Variants in AP2B1 observed in about 807,000 individuals in gnomAD.
The protein encoded by AP2B1 is adaptor related protein complex 2 subunit beta 1.
AP2B1 carries 23 observed loss-of-function variants against 102.0 expected under a neutral mutation model. The ratio of observed to expected loss-of-function variants is 0.23; its 90% confidence interval spans 0.16 to 0.32. The LOEUF (loss-of-function observed/expected upper bound fraction) is 0.32. AP2B1 is among the 10% of genes least tolerant of loss of function. AP2B1 has a pLI of 1.00. For missense variants in AP2B1, 541 were observed against 1,157.4 expected (o/e 0.47, Z 7.73); for synonymous variants, 381 against 421.2 (o/e 0.90, Z 1.17).
Position 35,636,470 on chromosome 17 carries a change from C to G in AP2B1, c.1271+14C>G, listed in dbSNP as rs1487966681. ...ATACCCCAACAAGTATGTCCAAATA[C>G]CTTTACCCCTCTTTCTCAAATTACT... On this transcript the variant is annotated intron_variant, in intron 10 of 21. Coordinates refer to ENST00000610402, the MANE Select transcript of AP2B1 (RefSeq NM_001030006.2). 1 of 1,577,758 alleles carries G rather than the reference C, an allele frequency of 6.3e-7. No individual in the cohort carries two copies. The highest frequency in any genetic ancestry group is 8.7e-7 in the Non-Finnish European group (1 of 1,147,434).
intron 20 of AP2B1, among the ~76,000 whole-genome samples, chr17:35,713,376 C>G (rs1287454023): frequency 1.3e-5 from 2 of 152,228 alleles, no homozygotes; most frequent in African/African-American, 4.8e-5. Flanking sequence ...CACTGCTAGT[C>G]TTGCAAGACC....
chr17:35,711,806 A>G (rs1489880438), intron 20 of AP2B1, among the ~76,000 whole-genome samples: 1 of 152,160 alleles, frequency 6.6e-6, no homozygotes, highest in Admixed American at 6.5e-5. Context: ...GGCTCTATGT[A>G]ATATTCATCT....
chr17:35,681,430 C>T (rs2075820632), intron 17 of AP2B1, among the ~76,000 whole-genome samples: 1 of 152,134 alleles, frequency 6.6e-6, no homozygotes, highest in Non-Finnish European at 1.5e-5. Flanking sequence ...GACAGGGTGT[C>T]GCTCTGTCAT....
intron 16 of AP2B1, among the ~76,000 whole-genome samples, chr17:35,673,724 GA>G (rs879770996): frequency 4.5e-4 from 68 of 151,958 alleles, no homozygotes; most frequent in Non-Finnish European, 7.9e-4. Flanking sequence ...TGGAAATGAT[GA>G]AAAAAAATCT....
intron 14 of AP2B1, among the ~76,000 whole-genome samples, chr17:35,664,512 C>T (rs1000157716): frequency 6.6e-6 from 1 of 152,116 alleles, no homozygotes; most frequent in Non-Finnish European, 1.5e-5. Flanking sequence ...TTTTGTCAGG[C>T]TTTTGTCCTT....
chr17:35,626,471 C>T (rs1473079022), intron 6 of AP2B1, 150 bp from the exon 7 acceptor site: 1 of 681,888 alleles, frequency 1.5e-6, no homozygotes, highest in Non-Finnish European at 2.5e-6. Flanking sequence ...TGTTGGATCC[C>T]AATTTTACCT....
intron 1 of AP2B1, among the ~76,000 whole-genome samples, chr17:35,588,134 C>T (rs527719505): frequency 2.1e-5 from 3 of 140,408 alleles, no homozygotes; most frequent in African/African-American, 8.0e-5. Flanking sequence ...GTAGATTAAG[C>T]TGAAAGTAAA....
chr17:35,631,339 A>G (rs2074455495), intron 9 of AP2B1, among the ~76,000 whole-genome samples: 1 of 152,150 alleles, frequency 6.6e-6, no homozygotes, highest in African/African-American at 2.4e-5. Context: ...CTATTAGGAA[A>G]ACCATATTTG....
chr17:35,660,454 C>A (rs1029609547), intron 14 of AP2B1, among the ~76,000 whole-genome samples: 9 of 151,338 alleles, frequency 5.9e-5, no homozygotes, highest in Admixed American at 1.3e-4. Flanking sequence ...TACCTAGATG[C>A]TCAGATACCT....
rs1383929367 is a variant in AP2B1 at position 35,699,988 on chromosome 17, C to T, written c.2455-9236C>T. On this transcript the variant is annotated intron_variant, in intron 18 of 21. Coordinates refer to ENST00000610402, the MANE Select transcript of AP2B1 (RefSeq NM_001030006.2). Reference sequence around the variant, plus strand: ...GCACATGCGTGTAGTTTCAGCTACTCACGAGGCTGAGATGGGAGGATCACT... The same window carrying T: ...GCACATGCGTGTAGTTTCAGCTACTTACGAGGCTGAGATGGGAGGATCACT... Among the ~76,000 whole-genome samples, 3 of 151,970 alleles carry T rather than the reference C, an allele frequency of 2.0e-5. No homozygotes were observed. The East Asian group carries it at 5.8e-4, about 29-fold the overall frequency.
chr17:35,720,543 ATT>A (rs1305515475), intron 21 of AP2B1, among the ~76,000 whole-genome samples: 655 of 57,146 alleles, frequency 0.011, 14 homozygotes, highest in African/African-American at 0.031. Flanking sequence ...TTTTTATTTT[ATT>A]TATATATATA....
Position 35,682,682 on chromosome 17 carries a change from T to C in AP2B1, c.2325-13T>C, listed in dbSNP as rs117164887. On this transcript the variant is annotated splice_polypyrimidine_tract_variant and intron_variant, in intron 17 of 21. Coordinates refer to ENST00000610402, the MANE Select transcript of AP2B1 (RefSeq NM_001030006.2). ...TTGATTAACCTCTGTGATTTATGTA[T>C]CCTCTCTTCTAGCTTTGGTGTCATC... 0.019 allele frequency: 30,036 copies of C among 1,604,076 alleles called. 353 individuals are homozygous for C. The highest frequency in any genetic ancestry group is 0.022 in the Non-Finnish European group (26,147 of 1,173,576).
At chr17:35,672,257 C>G (rs1206068270) in intron 16 of AP2B1, among the ~76,000 whole-genome samples, 1 of 152,144 alleles carries the variant, frequency 6.6e-6, no homozygotes, top group Non-Finnish European at 1.5e-5. Flanking sequence ...TCTCTTATTC[C>G]TCTTTCCCCA....
chr17:35,630,253 A>T (rs1051796169), intron 9 of AP2B1, among the ~76,000 whole-genome samples: 1 of 152,172 alleles, frequency 6.6e-6, no homozygotes, highest in African/African-American at 2.4e-5. Context: ...CCTGGGTTCT[A>T]TTCCTGGTTC....
chr17:35,638,853 A>G (rs527443302), intron 10 of AP2B1, among the ~76,000 whole-genome samples: 1 of 152,068 alleles, frequency 6.6e-6, no homozygotes, highest in Non-Finnish European at 1.5e-5. Flanking sequence ...ATTAAGGGAC[A>G]GATTTACCAT....
intron 14 of AP2B1, among the ~76,000 whole-genome samples, chr17:35,659,000 C>T (rs1254908537): frequency 6.6e-6 from 1 of 152,174 alleles, no homozygotes; most frequent in Non-Finnish European, 1.5e-5. Context: ...ATGAGCACTT[C>T]TGTTGTCTTT....
chr17:35,689,492 T>A (rs1055210206), intron 18 of AP2B1, among the ~76,000 whole-genome samples: 10 of 152,250 alleles, frequency 6.6e-5, no homozygotes, highest in African/African-American at 2.4e-4. Flanking sequence ...AGGTCTCTTT[T>A]AAAAAATTTA....
intron 9 of AP2B1, among the ~76,000 whole-genome samples, chr17:35,632,438 G>T (rs2074489552): frequency 6.6e-6 from 1 of 151,918 alleles, no homozygotes; most frequent in Non-Finnish European, 1.5e-5. Flanking sequence ...CCCAGCCCTT[G>T]TTTTATAGTT....
intron 20 of AP2B1, among the ~76,000 whole-genome samples, chr17:35,714,957 G>A (rs2076523939): frequency 6.6e-6 from 1 of 152,096 alleles, no homozygotes; most frequent in Admixed American, 6.6e-5. Context: ...TAAAAACTAT[G>A]ATATCTTGTC....
Sources: gnomAD v4.1 joint callset for allele counts (sites outside exome capture counted in the v4.1 genomes callset) on GRCh38, gnomAD v4.1.1 for gene constraint, MANE v1.5 for transcripts, NCBI Gene and HGNC (gene_info 2026-07-23, HGNC 2026-07-21) for gene names.